PDE9A: variants seen among roughly 807,000 people sequenced by gnomAD.
PDE9A encodes the protein phosphodiesterase 9A.
Under a neutral mutation model 87.4 loss-of-function variants are expected in PDE9A, and 60 were observed. That is an observed-to-expected ratio of 0.69 (90% CI 0.56 to 0.85). PDE9A has a LOEUF of 0.85. Among genes scored for constraint, PDE9A ranks in the 40% least tolerant of loss-of-function variants. The pLI, the probability that PDE9A is intolerant of heterozygous loss-of-function variation, is 0.00. For synonymous variants in PDE9A, 272 were observed against 279.4 expected (o/e 0.97, Z 0.27); for missense variants, 665 against 779.0 (o/e 0.85, Z 1.74).
At chr21:42,765,696 G>A (rs187538786) in intron 15 of PDE9A, 65 of 564,296 alleles carry the variant, frequency 1.2e-4, no homozygotes, top group Middle Eastern at 4.6e-4. Context: ...CTCCTTCATG[G>A]TCAGAGGCAG....
At chr21:42,729,023 G>A (rs1430568309) in intron 4 of PDE9A, among the ~76,000 whole-genome samples, 2 of 150,920 alleles carry the variant, frequency 1.3e-5, no homozygotes, top group African/African-American at 4.9e-5. Context: ...AAAAAGAATG[G>A]TAGTGTTCCC....
At chr21:42,665,598 A>G (rs759026784) in intron 1 of PDE9A, among the ~76,000 whole-genome samples, 2 of 152,048 alleles carry the variant, frequency 1.3e-5, no homozygotes, top group Admixed American at 1.3e-4. Flanking sequence ...CTCTGCTCCT[A>G]CAGCTCCCGG....
intron 4 of PDE9A, among the ~76,000 whole-genome samples, chr21:42,730,066 G>A (rs1455433737): frequency 1.3e-5 from 2 of 152,156 alleles, no homozygotes; most frequent in African/African-American, 4.8e-5. Context: ...ACTCTCAAAG[G>A]TTATGTGATA....
At chr21:42,732,048 G>T in intron 5 of PDE9A, 22 bp from the exon 6 acceptor site, 1 of 1,613,936 alleles carries the variant, frequency 6.2e-7, no homozygotes, top group Non-Finnish European at 8.5e-7. Flanking sequence ...TGTTCCATCT[G>T]TCTTTCTTCT....
rs376405195 is a variant in PDE9A at position 42,718,180 on chromosome 21, C to T, written c.263-13590C>T. On this transcript the variant is annotated intron_variant, in intron 4 of 19. Transcript: ENST00000291539. ...GCTCCCAAAGTGCTAGGATTACAGG[C>T]GTGAGCCACTGTGCCCAGGCCTCTG... Among the ~76,000 whole-genome samples the T allele has an allele frequency of 1.3e-3, 192 of 151,868 alleles. 1 individual carries two copies. Among genetic ancestry groups the T allele is most frequent in the African/African-American group, 3.0e-3 (123 of 41,506 alleles).
At chr21:42,749,323 G>A (rs530131950) in intron 8 of PDE9A, among the ~76,000 whole-genome samples, 4 of 152,122 alleles carry the variant, frequency 2.6e-5, no homozygotes, top group Admixed American at 6.5e-5. Flanking sequence ...CAAGCCAGGC[G>A]TGACCCCCAC....
At chr21:42,750,900 CTG>C (rs2054350030) in intron 8 of PDE9A, among the ~76,000 whole-genome samples, 1 of 152,138 alleles carries the variant, frequency 6.6e-6, no homozygotes, top group South Asian at 2.1e-4. Context: ...ATCTGACTTT[CTG>C]TGTGTTTTCC....
At chr21:42,703,397 C>T (rs929775974) in intron 4 of PDE9A, among the ~76,000 whole-genome samples, 31 of 152,188 alleles carry the variant, frequency 2.0e-4, no homozygotes, top group African/African-American at 6.0e-4. Flanking sequence ...GGGAGAAGGA[C>T]GCTGGTGACA....
intron 9 of PDE9A, among the ~76,000 whole-genome samples, chr21:42,753,323 C>T (rs1489543649): frequency 2.0e-5 from 3 of 152,170 alleles, no homozygotes; most frequent in Non-Finnish European, 4.4e-5. Context: ...ATTTTATCAT[C>T]GGGCTTGTTG....
chr21:42,679,602 G>C (rs2059049192), intron 1 of PDE9A, among the ~76,000 whole-genome samples: 1 of 152,186 alleles, frequency 6.6e-6, no homozygotes, highest in African/African-American at 2.4e-5. Context: ...CCTGCAAGCA[G>C]CACCATGTGG....
chr21:42,715,444 T>A (rs529701914), intron 4 of PDE9A, among the ~76,000 whole-genome samples: 3 of 151,998 alleles, frequency 2.0e-5, no homozygotes, highest in Non-Finnish European at 2.9e-5. Flanking sequence ...CTGGCCAACA[T>A]GGTGAAACCC....
At chr21:42,656,392 G>A (rs1237294429) in intron 1 of PDE9A, among the ~76,000 whole-genome samples, 1 of 152,214 alleles carries the variant, frequency 6.6e-6, no homozygotes, top group Non-Finnish European at 1.5e-5. Flanking sequence ...CCGCAGAGAC[G>A]GGGAGGAAGG....
At chr21:42,658,614 G>A (rs535637203) in intron 1 of PDE9A, among the ~76,000 whole-genome samples, 1 of 152,284 alleles carries the variant, frequency 6.6e-6, no homozygotes, top group East Asian at 1.9e-4. Context: ...AGGCATCTCT[G>A]CTCAATTGTG....
intron 19 of PDE9A, among the ~76,000 whole-genome samples, chr21:42,773,930 CTT>C (rs1491251389): frequency 2.8e-4 from 42 of 151,662 alleles, no homozygotes; most frequent in African/African-American, 7.5e-4. Context: ...CGGTGAAACC[CTT>C]CTCTACTAAA....
At chr21:42,690,385 G>C (rs185007699) in intron 3 of PDE9A, among the ~76,000 whole-genome samples, 72 of 152,234 alleles carry the variant, frequency 4.7e-4, no homozygotes, top group Non-Finnish European at 9.6e-4. Flanking sequence ...TGTGGAAATG[G>C]ATCTAGACAG....
rs942306491 is a variant in PDE9A at position 42,723,150 on chromosome 21, T to C, written c.263-8620T>C. ...CCCCTCCTTGGTCCCTCTAGAGGTT[T>C]GCTTCATTCCAGTACCCTTGGTTCT... is the stretch of plus-strand genomic sequence containing the variant. On this transcript the variant is annotated intron_variant, in intron 4 of 19. Transcript: ENST00000291539. The surrounding 1 kb of genome is among the most constrained non-coding windows in gnomAD (Gnocchi z 4.3). Among the ~76,000 whole-genome samples the C allele has an allele frequency of 2.0e-5, 3 of 152,236 alleles. No homozygotes were observed. Among genetic ancestry groups the C allele is most frequent in the African/African-American group, 7.2e-5 (3 of 41,468 alleles).
At chr21:42,735,944 T>C (rs1012132930) in intron 7 of PDE9A, among the ~76,000 whole-genome samples, 2 of 152,072 alleles carry the variant, frequency 1.3e-5, no homozygotes, top group African/African-American at 4.8e-5. Flanking sequence ...TCTCCAAACT[T>C]GGGTAGGGGT....
chr21:42,714,427 G>A (rs898552275), intron 4 of PDE9A, among the ~76,000 whole-genome samples: 8 of 152,282 alleles, frequency 5.3e-5, no homozygotes, highest in African/African-American at 1.7e-4. Flanking sequence ...ATATGGTTGG[G>A]GTTAGCTCTC....
rs756098680 is a variant in PDE9A, at chr21:42,698,987, C to A, written c.238C>A (p.Pro80Thr). 1.9e-6 allele frequency: 3 copies of A among 1,613,136 alleles called. No homozygotes were observed. Among genetic ancestry groups the A allele is most frequent in the East Asian group, 4.5e-5 (2 of 44,886 alleles). The change falls in exon 4 of 20, where the codon CCT becomes ACT. Residue 80 changes from proline to threonine, a missense_variant. Physicochemically the swap from Pro to Thr is conservative, Grantham distance 38. Coordinates refer to ENST00000291539, the MANE Select transcript of PDE9A (RefSeq NM_002606.3). The part of the protein sequence containing the change: ...NSERTPYKVR[P>T]VAIKQLSAGV... ...TTGCAGCACTCCGTACAAAGTGAGA[C>A]CTGTGGCCATCAAGCAACTCTCCGG...
Sources: gnomAD v4.1 joint callset for allele counts (sites outside exome capture counted in the v4.1 genomes callset) on GRCh38, gnomAD v4.1.1 for gene constraint, Gnocchi (gnomAD v3.1) non-coding constraint, MANE v1.5 for transcripts, NCBI Gene and HGNC (gene_info 2026-07-23, HGNC 2026-07-21) for gene names.